Variants in SRGAP3 observed in about 807,000 individuals in gnomAD.
SRGAP3 encodes SLIT-ROBO Rho GTPase activating protein 3.
A neutral mutation model predicts 121.1 loss-of-function variants in SRGAP3; 39 were observed. The observed-to-expected ratio is 0.32, with a 90% CI of 0.25 to 0.42. The LOEUF (loss-of-function observed/expected upper bound fraction) is 0.42. Ranked by LOEUF, SRGAP3 falls within the 10% of genes least tolerant of loss-of-function variation. The probability of loss-of-function intolerance (pLI) is 1.00; values close to 1 mark genes in which losing one functional copy is unlikely to be tolerated. For missense variants in SRGAP3, 1,213 were observed against 1,470.6 expected, an observed-to-expected ratio of 0.82 and a Z score of 2.86; for synonymous variants, 601 against 570.0, an observed-to-expected ratio of 1.05 and a Z score of -0.77.
chr3:9,140,303 G>A (rs892939061), intron 1 of SRGAP3, among the ~76,000 whole-genome samples: 1 of 152,142 alleles, frequency 6.6e-6, no homozygotes, highest in African/African-American at 2.4e-5. Flanking sequence ...TAAGATTCAC[G>A]TTGCATACAA....
chr3:9,022,163 C>A (rs1253440984), intron 14 of SRGAP3, among the ~76,000 whole-genome samples: 1 of 152,052 alleles, frequency 6.6e-6, no homozygotes, highest in African/African-American at 2.4e-5. Context: ...CCTGTCTCTA[C>A]CAAAAATGTA....
At chr3:8,990,301 C>T (rs1941958571) in intron 21 of SRGAP3, among the ~76,000 whole-genome samples, 1 of 152,236 alleles carries the variant, frequency 6.6e-6, no homozygotes, top group African/African-American at 2.4e-5. Context: ...GGGTGTTCAG[C>T]CTCTATCGGA....
At chr3:9,027,344 C>T (rs1219712648) in intron 12 of SRGAP3, among the ~76,000 whole-genome samples, 1 of 152,128 alleles carries the variant, frequency 6.6e-6, no homozygotes, top group African/African-American at 2.4e-5. Flanking sequence ...CTCTGCCTCC[C>T]CCTCCATTTT....
rs116065370 is a variant in SRGAP3, at chr3:9,073,425, G to A, written c.486+6600C>T. Among the ~76,000 whole-genome samples the A allele has an allele frequency of 4.5e-3, 678 of 152,328 alleles. 4 individuals carry two copies. The highest frequency in any genetic ancestry group is 7.3e-3 in the Non-Finnish European group (500 of 68,032). Reference sequence around the variant, plus strand: ...CTCCCAAAGTGCCGGGATTACAGGCGTGAGCCAAGCCCAGCCCAGATAAGT... The same window carrying A: ...CTCCCAAAGTGCCGGGATTACAGGCATGAGCCAAGCCCAGCCCAGATAAGT... On this transcript the variant is annotated intron_variant, in intron 4 of 21. Transcript: ENST00000383836.
chr3:9,317,984 C>T (rs1357850388), intron 3 of SRGAP3, among the ~76,000 whole-genome samples: 1 of 152,208 alleles, frequency 6.6e-6, no homozygotes, highest in African/African-American at 2.4e-5. Context: ...ATCTACTGCA[C>T]AGTTGTACAC....
At chr3:9,253,206 G>T (rs189178475), upstream of SRGAP3, among the ~76,000 whole-genome samples, 1 of 152,310 alleles carries the variant, frequency 6.6e-6, no homozygotes, top group Non-Finnish European at 1.5e-5. Flanking sequence ...CTGAAGCCCA[G>T]GTATGGCTCA....
Position 8,996,730 on chromosome 3 carries a change from T to C in SRGAP3, c.2228-2207A>G, listed in dbSNP as rs144224274. Among the ~76,000 whole-genome samples the C allele has an allele frequency of 2.1e-4, 32 of 152,348 alleles. No homozygotes were observed. In the East Asian group the frequency reaches 4.2e-3, roughly 20 times the overall value. ...TGTGCTGGAACTGCCTGCTAGCCCA[T>C]CTGCCTGCCTCGTTACAAGAGTCAG... On this transcript the variant is annotated intron_variant, in intron 18 of 21. Coordinates refer to ENST00000383836, the MANE Select transcript of SRGAP3 (RefSeq NM_014850.4).
chr3:9,085,819 G>T (rs1947442197), intron 3 of SRGAP3, among the ~76,000 whole-genome samples: 1 of 152,192 alleles, frequency 6.6e-6, no homozygotes, highest in Non-Finnish European at 1.5e-5. Flanking sequence ...GAGGATGGAT[G>T]GTGGGAGGAG....
chr3:9,290,558 T>C (rs1559262379), intron 3 of SRGAP3, among the ~76,000 whole-genome samples: 1 of 152,114 alleles, frequency 6.6e-6, no homozygotes, highest in Non-Finnish European at 1.5e-5. Flanking sequence ...GTTCATAAAG[T>C]TTTTTATATT....
At chr3:9,136,561 C>A (rs916224191) in intron 1 of SRGAP3, among the ~76,000 whole-genome samples, 2 of 152,378 alleles carry the variant, frequency 1.3e-5, no homozygotes, top group African/African-American at 2.4e-5. Flanking sequence ...ATTCGGCCAA[C>A]GACCGACATC....
At chr3:9,268,248 G>A (rs1954402326) in intron 3 of SRGAP3, among the ~76,000 whole-genome samples, 1 of 152,048 alleles carries the variant, frequency 6.6e-6, no homozygotes, top group African/African-American at 2.4e-5. Context: ...TGAGGTTGGA[G>A]CCTCAGGATG....
intron 1 of SRGAP3, among the ~76,000 whole-genome samples, chr3:9,135,884 T>C (rs1949626566): frequency 6.6e-6 from 1 of 152,186 alleles, no homozygotes; most frequent in Non-Finnish European, 1.5e-5. Flanking sequence ...TTCTCATCTG[T>C]AAAATAGGGA....
At chr3:9,111,610 A>AG (rs1247019466) in intron 2 of SRGAP3, among the ~76,000 whole-genome samples, 1 of 152,182 alleles carries the variant, frequency 6.6e-6, no homozygotes, top group Non-Finnish European at 1.5e-5. Flanking sequence ...AGGAAGCACG[A>AG]GGGCCGCAGA....
chr3:9,200,065 G>A (rs1145157), intron 1 of SRGAP3, among the ~76,000 whole-genome samples: 40,022 of 152,142 alleles, frequency 0.26, 5,505 homozygotes, highest in African/African-American at 0.31. Context: ...TTAAAGGAGA[G>A]GCTGACAATA....
intron 3 of SRGAP3, among the ~76,000 whole-genome samples, chr3:9,316,949 T>C (rs1313005930): frequency 6.6e-6 from 1 of 152,038 alleles, no homozygotes; most frequent in Non-Finnish European, 1.5e-5. Context: ...GGCCTATTAT[T>C]CAAGGAAAGG....
At chr3:9,199,213 T>C (rs1951998448) in intron 1 of SRGAP3, among the ~76,000 whole-genome samples, 1 of 152,248 alleles carries the variant, frequency 6.6e-6, no homozygotes, top group South Asian at 2.1e-4. Flanking sequence ...CTTAATCATC[T>C]GCATCAGAGC....
rs1353437195 is a variant in SRGAP3, at chr3:9,351,427, G to A, written n.214+11413C>T. Among the ~76,000 whole-genome samples, 3 of 152,108 alleles carry A rather than the reference G, an allele frequency of 2.0e-5. No individual in the cohort carries two copies. The East Asian group carries it at 5.8e-4, about 29-fold the overall frequency. ...CTTTTGCAAGTTGGTGGAAGATCTA[G>A]GACCAATCTTAATCGCGTTAGAGTT... On this transcript the variant is annotated intron_variant and non_coding_transcript_variant, in intron 1 of 3. Transcript: ENST00000490889.
intron 3 of SRGAP3, among the ~76,000 whole-genome samples, chr3:9,315,309 A>C (rs929709201): frequency 1.3e-5 from 2 of 152,156 alleles, no homozygotes; most frequent in African/African-American, 4.8e-5. Context: ...AATCCCAGAA[A>C]AGTCCCACTG....
chr3:9,194,469 G>A (rs576877979), intron 1 of SRGAP3: 1 of 152,332 alleles, frequency 6.6e-6, no homozygotes, highest in East Asian at 1.9e-4. Flanking sequence ...GAGTCTCTAA[G>A]TCTGGAGATT....
Sources: allele counts gnomAD v4.1 joint callset (sites outside exome capture counted in the v4.1 genomes callset), GRCh38; gene constraint gnomAD v4.1.1; transcripts MANE v1.5; gene names NCBI Gene and HGNC (gene_info 2026-07-23, HGNC 2026-07-21).